The following LDLRAD4 variants were observed in gnomAD, a reference collection of about 807,000 sequenced individuals.
LDLRAD4 encodes low density lipoprotein receptor class A domain containing 4.
LDLRAD4 carries 5 observed loss-of-function variants against 17.0 expected under a neutral mutation model. That is an observed-to-expected ratio of 0.29 (90% CI 0.15 to 0.62). The LOEUF (loss-of-function observed/expected upper bound fraction) is 0.62. Ranked by LOEUF, LDLRAD4 falls within the 20% of genes least tolerant of loss-of-function variation. The pLI is 0.84. For missense variants in LDLRAD4, 340 were observed against 424.7 expected (o/e 0.80, Z 1.75); for synonymous variants, 168 against 171.8 (o/e 0.98, Z 0.17).
intron 1 of LDLRAD4, among the ~76,000 whole-genome samples, chr18:13,322,598 C>T (rs1327816865): frequency 1.3e-5 from 2 of 151,404 alleles, no homozygotes; most frequent in African/African-American, 4.9e-5. Context: ...CTACACCTCG[C>T]CTGTCATCCA....
chr18:13,574,613 C>T (rs991662356), intron 3 of LDLRAD4, among the ~76,000 whole-genome samples: 6 of 152,198 alleles, frequency 3.9e-5, no homozygotes, highest in Non-Finnish European at 7.3e-5. Flanking sequence ...TGAGAGCCCC[C>T]GGCTTTGACG....
intron 3 of LDLRAD4, among the ~76,000 whole-genome samples, chr18:13,549,529 C>T (rs1453496796): frequency 6.6e-6 from 1 of 151,690 alleles, no homozygotes; most frequent in East Asian, 1.9e-4. Context: ...AATGGGAGAA[C>T]AGATCTATAA....
chr18:13,262,532 A>G (rs1388009363), intron 1 of LDLRAD4, among the ~76,000 whole-genome samples: 124 of 85,174 alleles, frequency 1.5e-3, no homozygotes, highest in African/African-American at 2.5e-3. Flanking sequence ...GTGCGTGGAA[A>G]CTGAGTCCCG....
At chr18:13,340,957 GT>G (rs1007926235) in intron 1 of LDLRAD4, among the ~76,000 whole-genome samples, 6 of 152,140 alleles carry the variant, frequency 3.9e-5, no homozygotes, top group Non-Finnish European at 7.4e-5. Flanking sequence ...TGGATATTCA[GT>G]TTTCCCAACC....
At chr18:13,249,921 T>C (rs2043149434) in intron 1 of LDLRAD4, among the ~76,000 whole-genome samples, 1 of 152,250 alleles carries the variant, frequency 6.6e-6, no homozygotes. Context: ...AGTTGATTTT[T>C]GTATACGGTG....
intron 3 of LDLRAD4, among the ~76,000 whole-genome samples, chr18:13,562,666 C>G (rs2094554021): frequency 6.6e-6 from 1 of 152,168 alleles, no homozygotes; most frequent in African/African-American, 2.4e-5. Context: ...CCCCTGGAAA[C>G]CCCCATTCTA....
Position 13,383,065 on chromosome 18 carries a change from C to T in LDLRAD4, c.-382-4276C>T, listed in dbSNP as rs184565562. Among the ~76,000 whole-genome samples the T allele has an allele frequency of 4.4e-3, 673 of 152,342 alleles. 30 individuals are homozygous for T. The highest frequency in any genetic ancestry group is 0.041 in the Admixed American group (633 of 15,306). ...TAGTGGGGTGGTGGGAAAACCAGCCCGGAGGGTCCCAGCCAAGCAGGCTGA... is the reference window on the plus strand; with the variant it reads ...TAGTGGGGTGGTGGGAAAACCAGCCTGGAGGGTCCCAGCCAAGCAGGCTGA... On this transcript the variant is annotated intron_variant, in intron 1 of 5. Coordinates refer to ENST00000359446, the Ensembl canonical transcript of LDLRAD4.
At chr18:13,529,711 A>C (rs910134040) in intron 3 of LDLRAD4, among the ~76,000 whole-genome samples, 2 of 152,252 alleles carry the variant, frequency 1.3e-5, no homozygotes, top group East Asian at 3.8e-4. Flanking sequence ...TAGCGATCCT[A>C]TCCTTTCTCT....
At chr18:13,219,690 C>T (rs745324268) in intron 1 of LDLRAD4, among the ~76,000 whole-genome samples, 1 of 152,176 alleles carries the variant, frequency 6.6e-6, no homozygotes, top group Non-Finnish European at 1.5e-5. Flanking sequence ...AGGTTGGTGC[C>T]TTCTCGAAGG....
rs1555663266 is a variant in LDLRAD4 at position 13,370,715 on chromosome 18, T to TTTTTTTTGTTTTTG, written c.-382-16619_-382-16618insGTTTTTGTTTTTTT. Among the ~76,000 whole-genome samples the TTTTTTTTGTTTTTG allele has an allele frequency of 2.4e-3, 290 of 121,000 alleles. 6 individuals carry two copies. Among genetic ancestry groups the TTTTTTTTGTTTTTG allele is most frequent in the African/African-American group, 9.9e-3 (282 of 28,514 alleles). 79.4% of individuals were successfully genotyped at this position (121,000 alleles called of 152,430 possible). A position where few individuals can be genotyped will look rare whatever the true frequency, so the allele number is the denominator to read the frequency against. The stretch of plus-strand genomic sequence containing the variant: ...TCTCTTTCATGGTTTTTTGTTTTGT[T>TTTTTTTTGTTTTTG]TTTTTTTTTTTTTGAGATGGATTCT... On this transcript the variant is annotated intron_variant, in intron 1 of 5. Transcript: ENST00000359446.
At chr18:13,340,454 A>G (rs181740838) in intron 1 of LDLRAD4, among the ~76,000 whole-genome samples, 5 of 152,058 alleles carry the variant, frequency 3.3e-5, no homozygotes, top group Admixed American at 2.0e-4. Context: ...AGCCACGTTA[A>G]TATGTTTTTG....
At chr18:13,577,355 G>A (rs2094789219) in intron 3 of LDLRAD4, among the ~76,000 whole-genome samples, 1 of 152,174 alleles carries the variant, frequency 6.6e-6, no homozygotes, top group Non-Finnish European at 1.5e-5. Context: ...GGACCCTGCA[G>A]CGGCAGTCCT....
At position 13,553,728 on chromosome 18, in the gene LDLRAD4, C is replaced by T. The variant is rs117473681; in HGVS notation, c.182-67389C>T. On this transcript the variant is annotated intron_variant, in intron 3 of 5. Transcript: ENST00000359446. ...TTCTACTGCTGATAACCGCGTCTGT[C>T]CTTCGCATGGAAACATTCGCCTTGC... 2.5e-3 allele frequency among the ~76,000 whole-genome samples: 379 copies of T among 152,300 alleles called. 1 individual carries two copies. The highest frequency in any genetic ancestry group is 0.02 in the Middle Eastern group (6 of 294).
chr18:13,641,803 G>C, intron 4 of LDLRAD4: 1 of 985,734 alleles, frequency 1.0e-6, no homozygotes, highest in African/African-American at 1.7e-5. Context: ...GCTCCTGTGG[G>C]CACTTGGCCG....
chr18:13,435,192 C>T (rs2090572924), intron 2 of LDLRAD4, among the ~76,000 whole-genome samples: 1 of 152,246 alleles, frequency 6.6e-6, no homozygotes, highest in East Asian at 1.9e-4. Flanking sequence ...CTGCCTCTGT[C>T]AACACCAGTT....
chr18:13,548,811 C>T (rs987759975), intron 3 of LDLRAD4, among the ~76,000 whole-genome samples: 1 of 152,250 alleles, frequency 6.6e-6, no homozygotes, highest in African/African-American at 2.4e-5. Flanking sequence ...GAGCACACGG[C>T]CCCACCCATG....
intron 1 of LDLRAD4, among the ~76,000 whole-genome samples, chr18:13,315,037 G>A (rs926314921): frequency 3.3e-5 from 5 of 152,154 alleles, no homozygotes; most frequent in Admixed American, 1.3e-4. Context: ...TAAAGACTAG[G>A]GGAACCAAAA....
At chr18:13,548,158 C>G (rs1441163547) in intron 3 of LDLRAD4, among the ~76,000 whole-genome samples, 2 of 152,146 alleles carry the variant, frequency 1.3e-5, no homozygotes, top group African/African-American at 4.8e-5. Flanking sequence ...TGTCATCTGC[C>G]TGAGTCTGGC....
intron 1 of LDLRAD4, among the ~76,000 whole-genome samples, chr18:13,345,046 C>T (rs1224694208): frequency 1.3e-5 from 2 of 152,200 alleles, no homozygotes; most frequent in African/African-American, 4.8e-5. Context: ...ATTTGACTTC[C>T]TCTATTCCTA....
Sources: gnomAD v4.1 joint callset for allele counts (sites outside exome capture counted in the v4.1 genomes callset) on GRCh38, gnomAD v4.1.1 for gene constraint, MANE v1.5 for transcripts, NCBI Gene and HGNC (gene_info 2026-07-23, HGNC 2026-07-21) for gene names.